The following KCNH1 variants were observed in gnomAD, a reference collection of about 807,000 sequenced individuals.
KCNH1 encodes the protein potassium voltage-gated channel subfamily H member 1.
Under a neutral mutation model 69.2 loss-of-function variants are expected in KCNH1, and 27 were observed. The observed-to-expected ratio is 0.39, with a 90% confidence interval of 0.29 to 0.54. The LOEUF is 0.54. Among genes scored for constraint, KCNH1 ranks in the 20% least tolerant of loss-of-function variants. The probability of loss-of-function intolerance (pLI) is 0.68; values close to 1 mark genes in which losing one functional copy is unlikely to be tolerated. For synonymous variants in KCNH1, 456 were observed against 487.7 expected (o/e 0.93, Z 0.86); for missense variants, 798 against 1,261.6 (o/e 0.63, Z 5.57).
intron 6 of KCNH1, among the ~76,000 whole-genome samples, chr1:210,940,436 C>T (rs1251543957): frequency 6.6e-6 from 1 of 152,184 alleles, no homozygotes; most frequent in Non-Finnish European, 1.5e-5. Context: ...GGTCTGTTGA[C>T]TACATTCAGG....
At chr1:211,039,236 G>T (rs1053288624) in intron 5 of KCNH1, among the ~76,000 whole-genome samples, 1 of 152,234 alleles carries the variant, frequency 6.6e-6, no homozygotes, top group Non-Finnish European at 1.5e-5. Flanking sequence ...GAGCCTGCAG[G>T]TACACAGAAA....
chr1:210,803,599 T>A (rs923907941), intron 8 of KCNH1, among the ~76,000 whole-genome samples: 2 of 152,234 alleles, frequency 1.3e-5, no homozygotes, highest in Non-Finnish European at 2.9e-5. Flanking sequence ...GTAACAGTGC[T>A]GTGCTATCTT....
chr1:210,939,018 G>A (rs547178612), intron 6 of KCNH1, among the ~76,000 whole-genome samples: 9 of 152,246 alleles, frequency 5.9e-5, no homozygotes, highest in African/African-American at 2.2e-4. Flanking sequence ...GAGAACTGCT[G>A]TTCTAAGACT....
At chr1:210,902,147 G>A (rs1687009056) in intron 7 of KCNH1, among the ~76,000 whole-genome samples, 3 of 152,118 alleles carry the variant, frequency 2.0e-5, no homozygotes, top group Admixed American at 2.0e-4. Context: ...GAGGGCACCC[G>A]CCCCTACCCG....
At chr1:210,976,964 C>G (rs1033289727) in intron 6 of KCNH1, among the ~76,000 whole-genome samples, 14 of 151,172 alleles carry the variant, frequency 9.3e-5, no homozygotes, top group Non-Finnish European at 1.9e-4. Flanking sequence ...GGGTATATAC[C>G]CAAAGGATTA....
At chr1:210,845,758 G>C (rs1685528595) in intron 7 of KCNH1, among the ~76,000 whole-genome samples, 1 of 151,234 alleles carries the variant, frequency 6.6e-6, no homozygotes, top group African/African-American at 2.4e-5. Flanking sequence ...GAAATAAAGG[G>C]TATTCAATTA....
intron 6 of KCNH1, among the ~76,000 whole-genome samples, chr1:210,969,947 A>G (rs550875346): frequency 7.2e-5 from 11 of 152,042 alleles, no homozygotes; most frequent in Admixed American, 4.6e-4. Context: ...TCCATGCTGG[A>G]GTACAGTGAC....
chr1:211,068,841 G>A (rs2102455698), intron 5 of KCNH1, among the ~76,000 whole-genome samples: 1 of 152,260 alleles, frequency 6.6e-6, no homozygotes, highest in South Asian at 2.1e-4. Context: ...ACCAGTGCTG[G>A]GTAGGAAAAT....
chr1:210,791,458 G>A (rs1435383620), intron 9 of KCNH1, among the ~76,000 whole-genome samples: 1 of 152,178 alleles, frequency 6.6e-6, no homozygotes, highest in African/African-American at 2.4e-5. Flanking sequence ...CTCATGGAAA[G>A]GTTGCTCAGT....
chr1:210,771,749 G>A (rs1424032570), intron 10 of KCNH1, among the ~76,000 whole-genome samples: 1 of 152,112 alleles, frequency 6.6e-6, no homozygotes, highest in Non-Finnish European at 1.5e-5. Flanking sequence ...TTCATCATCC[G>A]CATTTTACAG....
At chr1:211,021,571 A>AGAC (rs1689586608) in intron 5 of KCNH1, among the ~76,000 whole-genome samples, 1 of 118,712 alleles carries the variant, frequency 8.4e-6, no homozygotes, top group Admixed American at 7.7e-5. Flanking sequence ...AGAGAAACAT[A>AGAC]GACTACACAC....
chr1:210,942,239 T>C (rs968129976), intron 6 of KCNH1, among the ~76,000 whole-genome samples: 1 of 152,190 alleles, frequency 6.6e-6, no homozygotes, highest in African/African-American at 2.4e-5. Context: ...GCTTTCTTGT[T>C]AGGAAAACAA....
At chr1:210,906,805 A>G (rs1419812913) in intron 7 of KCNH1, among the ~76,000 whole-genome samples, 2 of 152,170 alleles carry the variant, frequency 1.3e-5, no homozygotes, top group Non-Finnish European at 2.9e-5. Context: ...TACTGCTTTC[A>G]CATGATACAA....
At chr1:210,900,396 A>G (rs1456816066) in intron 7 of KCNH1, among the ~76,000 whole-genome samples, 1 of 152,210 alleles carries the variant, frequency 6.6e-6, no homozygotes, top group Non-Finnish European at 1.5e-5. Flanking sequence ...TTTATTTTTC[A>G]GCTACATACA....
chr1:211,076,651 AG>A (rs1690739421), intron 5 of KCNH1, among the ~76,000 whole-genome samples: 2 of 152,276 alleles, frequency 1.3e-5, no homozygotes, highest in South Asian at 4.1e-4. Context: ...AAAGATGAGG[AG>A]AAACCAGATC....
intron 5 of KCNH1, among the ~76,000 whole-genome samples, chr1:211,074,523 T>G (rs1409047361): frequency 6.6e-6 from 1 of 152,182 alleles, no homozygotes; most frequent in African/African-American, 2.4e-5. Context: ...TATGATTTTC[T>G]TATTGACTTA....
chr1:210,985,456 G>A (rs559836962), intron 6 of KCNH1, among the ~76,000 whole-genome samples: 101 of 152,262 alleles, frequency 6.6e-4, no homozygotes, highest in Non-Finnish European at 1.1e-3. Context: ...TGCTTTGAAC[G>A]TGTTCCAGAG....
At position 210,804,128 on chromosome 1, in the gene KCNH1, T is replaced by C; in HGVS notation, c.1501A>G (p.Ile501Val). ...YATIFGNVTT[I>V]FQQMYANTNR... is the part of the protein sequence containing the mutation. ...GTGTTGGCATACATCTGTTGGAAAA[T>C]AGTCGTCACATTCCCGAAGATGGTG... The change falls in exon 8 of 11, where the codon ATT (isoleucine) becomes GTT (valine). Residue 501 changes from isoleucine (I) to valine (V), a missense_variant. By Grantham distance (29) the Ile-to-Val change is conservative (BLOSUM62 3). Around this residue, in one of 4 missense-constraint regions of KCNH1, gnomAD observed 197 missense variants for 407.7 expected, o/e 0.48. Transcript: ENST00000271751. 1 of 1,613,954 alleles carries C rather than the reference T, an allele frequency of 6.2e-7. No homozygotes were observed.
chr1:210,797,855 C>T lies in KCNH1; in HGVS notation c.1663-95G>A, dbSNP rs548690163. On this transcript the variant is annotated intron_variant, in intron 8 of 10. Transcript: ENST00000271751. ...CTAGGGGGAGGAGCAACATCCACTA[C>T]GCCAGACTGCACTCTTCTAACCAAA... 169 of 1,391,926 alleles carry T rather than the reference C, an allele frequency of 1.2e-4. No homozygotes were observed. In the African/African-American group the frequency reaches 1.7e-3, roughly 14 times the overall value. 86.2% of individuals were successfully genotyped at this position (1,391,926 alleles called of 1,614,324 possible). A position where few individuals can be genotyped will look rare whatever the true frequency, so the allele number is the denominator to read the frequency against.
Sources: gnomAD v4.1 joint callset for allele counts (sites outside exome capture counted in the v4.1 genomes callset) on GRCh38, gnomAD v4.1.1 for gene constraint, gnomAD v4.1.1 regional missense constraint, MANE v1.5 for transcripts, NCBI Gene and HGNC (gene_info 2026-07-23, HGNC 2026-07-21) for gene names.